The following USH2A variants were observed in gnomAD, a reference collection of about 807,000 sequenced individuals.
USH2A encodes the protein Usher syndrome 2A (autosomal recessive, mild).
USH2A carries 443 observed loss-of-function variants against 538.9 expected under a neutral mutation model. The observed-to-expected ratio is 0.82, with a 90% CI of 0.76 to 0.89. The LOEUF (loss-of-function observed/expected upper bound fraction) is 0.89, where lower values mean the gene tolerates loss of function less well. Among genes scored for constraint, USH2A ranks in the 40% least tolerant of loss-of-function variants. USH2A has a pLI of 0.00. For missense variants in USH2A, 6,633 were observed against 6,324.8 expected, an observed-to-expected ratio of 1.05 and a Z score of -1.65; for synonymous variants, 2,413 against 2,273.5, an observed-to-expected ratio of 1.06 and a Z score of -1.75.
rs986350938 is a variant in USH2A, at chr1:216,222,098, C to G, written c.2994-4548G>C. Among the ~76,000 whole-genome samples the G allele has an allele frequency of 2.0e-5, 3 of 152,026 alleles. No individual in the cohort carries two copies. In the East Asian group the frequency reaches 5.8e-4, roughly 29 times the overall value. On this transcript the variant is annotated intron_variant, in intron 14 of 71. Transcript: ENST00000307340. ...GAGAAATGTATAGGGTAGAGTTTAA[C>G]CAAAATTACTTTTAAGGTTCTTTCC...
intron 55 of USH2A, among the ~76,000 whole-genome samples, chr1:215,777,453 T>C (rs1661497132): frequency 6.6e-6 from 1 of 152,236 alleles, no homozygotes; most frequent in Non-Finnish European, 1.5e-5. Flanking sequence ...TGATAGATAC[T>C]ACAAGAAGAA....
chr1:215,833,933 G>A (rs1388741791), intron 47 of USH2A, among the ~76,000 whole-genome samples: 4 of 152,062 alleles, frequency 2.6e-5, no homozygotes, highest in Admixed American at 6.6e-5. Context: ...CAAAGTGCAT[G>A]CAAAAAGCAA....
At chr1:215,930,082 T>C (rs887674574) in intron 38 of USH2A, among the ~76,000 whole-genome samples, 1 of 152,030 alleles carries the variant, frequency 6.6e-6, no homozygotes, top group Non-Finnish European at 1.5e-5. Context: ...TGTTTGTAGA[T>C]TATAATAATT....
Position 215,638,261 on chromosome 1 carries a change from G to A in USH2A, c.15052+894C>T, listed in dbSNP as rs552924215. On this transcript the variant is annotated intron_variant, in intron 69 of 71. Transcript: ENST00000307340. ...TCTTTATTGACAGGGTTTGTGGTTA[G>A]GAGAAAAATTTAGTTTGAGCTCTCT... is the stretch of plus-strand genomic sequence containing the variant. Among the ~76,000 whole-genome samples, 7 of 152,274 alleles carry A rather than the reference G, an allele frequency of 4.6e-5. No individual in the cohort carries two copies. In the East Asian group the frequency reaches 1.2e-3, roughly 25 times the overall value.
chr1:215,800,796 A>T (rs557413966), intron 49 of USH2A, among the ~76,000 whole-genome samples: 1 of 152,314 alleles, frequency 6.6e-6, no homozygotes, highest in African/African-American at 2.4e-5. Flanking sequence ...TGAGCAAATT[A>T]CTAGAAACAT....
At chr1:215,907,084 G>T (rs527486496) in intron 38 of USH2A, among the ~76,000 whole-genome samples, 1 of 152,016 alleles carries the variant, frequency 6.6e-6, no homozygotes, top group African/African-American at 2.4e-5. Context: ...TCATTGGAAA[G>T]CTCTTTCTGA....
At chr1:215,702,644 T>C (rs1318029018) in intron 61 of USH2A, among the ~76,000 whole-genome samples, 1 of 151,900 alleles carries the variant, frequency 6.6e-6, no homozygotes, top group Non-Finnish European at 1.5e-5. Context: ...AAAGTTCTAG[T>C]GCTGTGTTTT....
intron 38 of USH2A, among the ~76,000 whole-genome samples, chr1:215,915,619 G>T (rs187942902): frequency 3.3e-5 from 5 of 152,192 alleles, no homozygotes; most frequent in Non-Finnish European, 7.4e-5. Context: ...CATTGTGGAA[G>T]TCAGTGTGGT....
chr1:216,115,417 T>C lies in USH2A; in HGVS notation c.4628-18204A>G, dbSNP rs149760021. ...TCTTCAGCTTCCCAAAGTGCTAGGA[T>C]TACAGGCGTAAGCCATTGTGCTGGG... is the stretch of plus-strand genomic sequence containing the variant. On this transcript the variant is annotated intron_variant, in intron 21 of 71. Transcript: ENST00000307340. Among the ~76,000 whole-genome samples, 825 of 152,312 alleles carry C rather than the reference T, an allele frequency of 5.4e-3. 13 individuals carry two copies. The highest frequency in any genetic ancestry group is 0.017 in the African/African-American group (720 of 41,568).
At chr1:215,870,294 T>TTTTA (rs1553271300) in intron 43 of USH2A, among the ~76,000 whole-genome samples, 4 of 151,414 alleles carry the variant, frequency 2.6e-5, no homozygotes, top group African/African-American at 7.3e-5. Flanking sequence ...TTTATTTTTT[T>TTTTA]TTTATTTATT....
intron 34 of USH2A, 70 bp from the exon 35 acceptor site, chr1:215,993,237 G>A (rs568339281): frequency 6.2e-7 from 1 of 1,610,550 alleles, no homozygotes; most frequent in Non-Finnish European, 8.5e-7. Flanking sequence ...TGAGGAAAGA[G>A]AATTCATAAT....
At chr1:215,782,275 T>C (rs1571681714) in intron 53 of USH2A, 79 bp from the exon 54 acceptor site, 3 of 1,492,398 alleles carry the variant, frequency 2.0e-6, no homozygotes, top group Non-Finnish European at 2.8e-6. Flanking sequence ...AATCTTAGTG[T>C]TCGGAAGAAA....
At chr1:216,342,759 T>C (rs947461142) in intron 4 of USH2A, among the ~76,000 whole-genome samples, 1 of 152,006 alleles carries the variant, frequency 6.6e-6, no homozygotes, top group Non-Finnish European at 1.5e-5. Flanking sequence ...ACACCACATG[T>C]TCTCACTCAT....
intron 29 of USH2A, among the ~76,000 whole-genome samples, chr1:216,071,051 G>A (rs1297165361): frequency 6.6e-6 from 1 of 152,092 alleles, no homozygotes; most frequent in Non-Finnish European, 1.5e-5. Context: ...CATTTCTACA[G>A]TTCTGATCAG....
chr1:216,109,937 T>C (rs1023104500), intron 21 of USH2A, among the ~76,000 whole-genome samples: 7 of 152,198 alleles, frequency 4.6e-5, no homozygotes, highest in Non-Finnish European at 1.0e-4. Flanking sequence ...TCATATTCAA[T>C]ATTTTTTCTT....
At chr1:215,940,396 C>T (rs1666604757) in intron 37 of USH2A, among the ~76,000 whole-genome samples, 1 of 152,006 alleles carries the variant, frequency 6.6e-6, no homozygotes, top group African/African-American at 2.4e-5. Flanking sequence ...TCTATATACC[C>T]TGTATTAATA....
At chr1:216,075,982 A>G (rs1216739473) in intron 27 of USH2A, among the ~76,000 whole-genome samples, 2 of 152,170 alleles carry the variant, frequency 1.3e-5, no homozygotes, top group Non-Finnish European at 2.9e-5. Context: ...TGAAAGAAAT[A>G]CATTAAATGA....
chr1:216,414,470 T>C (rs1406093194), intron 3 of USH2A, among the ~76,000 whole-genome samples: 1 of 152,118 alleles, frequency 6.6e-6, no homozygotes. Context: ...TATGTCTGGA[T>C]TTCCTGACAT....
At chr1:216,017,556 A>T (rs965985346) in intron 32 of USH2A, among the ~76,000 whole-genome samples, 2 of 152,212 alleles carry the variant, frequency 1.3e-5, no homozygotes, top group African/African-American at 4.8e-5. Flanking sequence ...GAAAATATTC[A>T]TGTGACATAC....
Sources: gnomAD v4.1 joint callset for allele counts (sites outside exome capture counted in the v4.1 genomes callset) on GRCh38, gnomAD v4.1.1 for gene constraint, MANE v1.5 for transcripts, NCBI Gene and HGNC (gene_info 2026-07-23, HGNC 2026-07-21) for gene names.